The following PLCH1 variants were observed in gnomAD, a reference collection of about 807,000 sequenced individuals.
PLCH1 encodes 1-phosphatidylinositol 4,5-bisphosphate phosphodiesterase eta-1.
A neutral mutation model predicts 126.7 loss-of-function variants in PLCH1; 60 were observed. The observed-to-expected ratio is 0.47, with a 90% CI of 0.38 to 0.59. The LOEUF is 0.59. PLCH1 is among the 20% of genes least tolerant of loss of function. The pLI is 0.00. For synonymous variants in PLCH1, 719 were observed against 734.9 expected (o/e 0.98, Z 0.35); for missense variants, 1,723 against 2,040.0 (o/e 0.84, Z 2.99).
intron 1 of PLCH1, among the ~76,000 whole-genome samples, chr3:155,706,239 G>A (rs1168421978): frequency 6.7e-6 from 1 of 149,004 alleles, no homozygotes; most frequent in Non-Finnish European, 1.5e-5. Context: ...TGTAATCCCA[G>A]CACTTTGGGA....
intron 2 of PLCH1, among the ~76,000 whole-genome samples, chr3:155,632,327 C>T (rs1005089015): frequency 6.6e-6 from 1 of 152,102 alleles, no homozygotes; most frequent in Non-Finnish European, 1.5e-5. Flanking sequence ...AGAAAAAAGT[C>T]CTGTCTTCTT....
intron 2 of PLCH1, among the ~76,000 whole-genome samples, chr3:155,691,036 C>G (rs1486169851): frequency 6.6e-6 from 1 of 152,166 alleles, no homozygotes; most frequent in Non-Finnish European, 1.5e-5. Flanking sequence ...TCTCTAGTAG[C>G]CTTTGAAGAA....
chr3:155,635,199 C>T lies in PLCH1; in HGVS notation c.80-38821G>A, dbSNP rs184261846. On this transcript the variant is annotated intron_variant, in intron 2 of 22. Transcript: ENST00000460012. ...TGCCAGCTACACTCACTCATATGACCTCATTCAGCCCCCATCTCTTTTTCC... is the reference window on the plus strand; with the variant it reads ...TGCCAGCTACACTCACTCATATGACTTCATTCAGCCCCCATCTCTTTTTCC... 2.6e-5 allele frequency among the ~76,000 whole-genome samples: 4 copies of T among 151,990 alleles called. No homozygotes were observed. In the East Asian group the frequency reaches 7.8e-4, roughly 29 times the overall value.
intron 7 of PLCH1, among the ~76,000 whole-genome samples, chr3:155,565,772 T>G (rs1291120425): frequency 2.0e-5 from 3 of 151,530 alleles, no homozygotes; most frequent in African/African-American, 7.3e-5. Flanking sequence ...CTTGGCTCAC[T>G]GCAACCTCCG....
chr3:155,675,877 A>C, intron 2 of PLCH1: 1 of 589,336 alleles, frequency 1.7e-6, no homozygotes, highest in Non-Finnish European at 2.9e-6. Context: ...AAATATAATA[A>C]ATATGTTCTG....
chr3:155,737,026 T>C (rs999282010), intron 1 of PLCH1, among the ~76,000 whole-genome samples: 5 of 151,790 alleles, frequency 3.3e-5, no homozygotes, highest in African/African-American at 1.2e-4. Flanking sequence ...GCTCAGGAGT[T>C]CGAGACCAGC....
intron 2 of PLCH1, among the ~76,000 whole-genome samples, chr3:155,610,431 G>T (rs979730443): frequency 6.9e-6 from 1 of 144,886 alleles, no homozygotes; most frequent in Non-Finnish European, 1.5e-5. Flanking sequence ...CTAAAGCAAA[G>T]GTGAAGAAAA....
intron 9 of PLCH1, among the ~76,000 whole-genome samples, chr3:155,550,585 A>G (rs1725976303): frequency 6.6e-6 from 1 of 152,216 alleles, no homozygotes; most frequent in Non-Finnish European, 1.5e-5. Flanking sequence ...TGCACAGAAA[A>G]CATGAGATCC....
chr3:155,666,492 T>C (rs922499731), intron 2 of PLCH1, among the ~76,000 whole-genome samples: 1 of 152,226 alleles, frequency 6.6e-6, no homozygotes, highest in African/African-American at 2.4e-5. Flanking sequence ...GTTTAATTTA[T>C]ACAACTGGGC....
intron 2 of PLCH1, among the ~76,000 whole-genome samples, chr3:155,632,916 C>G (rs1738219500): frequency 6.6e-6 from 1 of 152,336 alleles, no homozygotes; most frequent in Middle Eastern, 3.4e-3. Context: ...CTTAGACACA[C>G]ACACACACAT....
chr3:155,454,716 T>C (rs116093810), intron 21 of PLCH1, among the ~76,000 whole-genome samples: 150 of 152,352 alleles, frequency 9.8e-4, no homozygotes, highest in African/African-American at 2.7e-3. Flanking sequence ...TCAGTCTTTT[T>C]GGTTTCCAGG....
Position 155,467,149 on chromosome 3 carries a change from G to C in PLCH1, c.2938+18207C>G, listed in dbSNP as rs1251345235. ...CAATATCCAAATACAAAAGGTTATA[G>C]AACACCAAGCAGATTTAACCCAAAG... On this transcript the variant is annotated intron_variant, in intron 21 of 21. Coordinates refer to the PLCH1 transcript ENST00000494598. Among the ~76,000 whole-genome samples the C allele has an allele frequency of 2.6e-5, 4 of 151,234 alleles. No homozygotes were observed. The East Asian group carries it at 7.8e-4, about 29-fold the overall frequency.
chr3:155,495,440 G>A (rs569440864), intron 15 of PLCH1, among the ~76,000 whole-genome samples: 7 of 151,860 alleles, frequency 4.6e-5, no homozygotes, highest in East Asian at 1.9e-4. Flanking sequence ...CAAAATGGCC[G>A]CCCATATGTC....
At chr3:155,554,334 C>A in intron 8 of PLCH1, 138 bp from the exon 9 acceptor site, 1 of 741,152 alleles carries the variant, frequency 1.3e-6, no homozygotes, top group Non-Finnish European at 2.2e-6. Flanking sequence ...GACACAGACA[C>A]AGAAATCGGT....
rs770099664 is a variant in PLCH1, at chr3:155,494,524, GT to G, written c.1895-8del. 1.2e-4 allele frequency: 187 copies of G among 1,511,886 alleles called. No individual in the cohort carries two copies. Among genetic ancestry groups the G allele is most frequent in the Non-Finnish European group, 1.4e-4 (162 of 1,139,402 alleles). 93.7% of individuals were successfully genotyped at this position (1,511,886 alleles called of 1,614,324 possible). On this transcript the variant is annotated splice_polypyrimidine_tract_variant and splice_region_variant and intron_variant, in intron 15 of 22. Coordinates refer to ENST00000460012, the MANE Select transcript of PLCH1 (RefSeq NM_014996.4). ...AACACATTTCCTGTGGTTCCTGGCA[GT>G]TTTTAATCGAGAAAAAAGGAAGTGA...
chr3:155,493,913 C>T (rs79976979), intron 17 of PLCH1, among the ~76,000 whole-genome samples: 8 of 152,106 alleles, frequency 5.3e-5, no homozygotes, highest in Non-Finnish European at 8.8e-5. Flanking sequence ...CTTTCACACA[C>T]GACCTCTCAA....
At chr3:155,577,308 G>T (rs1730106753) in intron 6 of PLCH1, among the ~76,000 whole-genome samples, 1 of 151,892 alleles carries the variant, frequency 6.6e-6, no homozygotes, top group African/African-American at 2.4e-5. Flanking sequence ...CTAATAAAGG[G>T]TGAACATTTT....
chr3:155,610,087 C>T (rs7629025), intron 2 of PLCH1, among the ~76,000 whole-genome samples: 73,814 of 151,864 alleles, frequency 0.49, 20,330 homozygotes, highest in African/African-American at 0.74. Flanking sequence ...CCACTGGGTG[C>T]GGTGGATCAC....
At chr3:155,484,838 G>A (rs1037974293) in intron 22 of PLCH1, among the ~76,000 whole-genome samples, 8 of 152,174 alleles carry the variant, frequency 5.3e-5, no homozygotes, top group Non-Finnish European at 1.2e-4. Context: ...CAGCATCCAA[G>A]GATCAGGGAA....
Sources: allele counts gnomAD v4.1 joint callset (sites outside exome capture counted in the v4.1 genomes callset), GRCh38; gene constraint gnomAD v4.1.1; transcripts MANE v1.5; gene names NCBI Gene and HGNC (gene_info 2026-07-23, HGNC 2026-07-21).